XRCC4: variants seen among roughly 807,000 people sequenced by gnomAD.
The protein encoded by XRCC4 is DNA repair protein XRCC4.
XRCC4 carries 28 observed loss-of-function variants against 39.1 expected under a neutral mutation model. That is an observed-to-expected ratio of 0.72 (90% CI 0.53 to 0.98). XRCC4 has a LOEUF of 0.98. Among genes scored for constraint, XRCC4 ranks in the 50% least tolerant of loss-of-function variants. XRCC4 has a pLI of 0.00. For synonymous variants in XRCC4, 123 were observed against 126.4 expected (o/e 0.97, Z 0.18); for missense variants, 350 against 376.4 (o/e 0.93, Z 0.58).
chr5:83,119,299 G>A (rs926079926), intron 3 of XRCC4, among the ~76,000 whole-genome samples: 2 of 152,166 alleles, frequency 1.3e-5, no homozygotes, highest in Non-Finnish European at 2.9e-5. Flanking sequence ...GGTTGCAGAT[G>A]TGTTGTTTGA....
At chr5:83,132,851 T>C (rs887996895) in intron 3 of XRCC4, among the ~76,000 whole-genome samples, 1 of 152,170 alleles carries the variant, frequency 6.6e-6, no homozygotes, top group African/African-American at 2.4e-5. Flanking sequence ...TCGGAGAAGT[T>C]TGTTATGACC....
rs1275915658 is a variant in XRCC4 at position 83,195,894 on chromosome 5, A to T, written c.440A>T (p.Glu147Val). The change falls in exon 4 of 8, where the codon GAA (glutamate) becomes GTA (valine). Residue 147 changes from glutamate to valine, a missense_variant. Glu to Val is a moderately radical substitution (Grantham distance 121). Coordinates refer to ENST00000396027, the MANE Select transcript of XRCC4 (RefSeq NM_003401.5). ...NQAKNEHLQKENERLLRDWND... is the reference protein window; with the variant it reads ...NQAKNEHLQKVNERLLRDWND... ...GCCAAAAATGAGCACCTGCAGAAAG[A>T]AAATGAAAGGCTTCTGAGAGATTGG... 2 of 1,612,168 alleles carry T rather than the reference A, an allele frequency of 1.2e-6. No individual in the cohort carries two copies. Among genetic ancestry groups the T allele is most frequent in the Non-Finnish European group, 1.7e-6 (2 of 1,178,908 alleles).
chr5:83,309,296 A>AAAAAAAATATATATATATAT (rs1561467702), intron 7 of XRCC4, among the ~76,000 whole-genome samples: 1 of 72,230 alleles, frequency 1.4e-5, no homozygotes, highest in African/African-American at 8.5e-5. Flanking sequence ...AAAAAAAAAA[A>AAAAAAAATATATATATATAT]ATATATATAT....
intron 3 of XRCC4, among the ~76,000 whole-genome samples, chr5:83,183,410 ATTTGTG>A (rs1315020381): frequency 3.7e-5 from 3 of 82,038 alleles, no homozygotes; most frequent in African/African-American, 1.3e-4. Context: ...TTTTTCATTT[ATTTGTG>A]TGTGTGTGTG....
chr5:83,331,558 T>C (rs1025381632), intron 7 of XRCC4, among the ~76,000 whole-genome samples: 8 of 152,092 alleles, frequency 5.3e-5, no homozygotes, highest in African/African-American at 1.9e-4. Flanking sequence ...AAAGAGAAAA[T>C]CTATGTATAT....
chr5:83,198,990 G>C (rs1173853236), intron 4 of XRCC4, among the ~76,000 whole-genome samples: 1 of 152,026 alleles, frequency 6.6e-6, no homozygotes, highest in African/African-American at 2.4e-5. Context: ...TGTTTTGTTT[G>C]CACTCAGACC....
At chr5:83,248,113 A>T (rs181324862) in intron 6 of XRCC4, among the ~76,000 whole-genome samples, 45 of 152,242 alleles carry the variant, frequency 3.0e-4, no homozygotes, top group Admixed American at 9.2e-4. Flanking sequence ...GAGCAACTCA[A>T]GAGTTGAGCA....
chr5:83,261,876 A>G lies in XRCC4; in HGVS notation c.893+3199A>G, dbSNP rs538741974. On this transcript the variant is annotated intron_variant, in intron 7 of 7. Transcript: ENST00000396027. Reference sequence around the variant, plus strand: ...TGAAATATCCATGAGAAAAGTATTCATTTTTTAAATTTAACTGTTTATAGG... The same window carrying G: ...TGAAATATCCATGAGAAAAGTATTCGTTTTTTAAATTTAACTGTTTATAGG... Among the ~76,000 whole-genome samples, 125 of 152,220 alleles carry G rather than the reference A, an allele frequency of 8.2e-4. 1 individual carries two copies. The highest frequency in any genetic ancestry group is 2.9e-3 in the African/African-American group (119 of 41,562).
intron 4 of XRCC4, among the ~76,000 whole-genome samples, chr5:83,196,353 G>C (rs1359604579): frequency 6.6e-6 from 1 of 151,980 alleles, no homozygotes; most frequent in Non-Finnish European, 1.5e-5. Context: ...AAATTACAGT[G>C]TTTTGGCTCC....
chr5:83,275,687 T>G (rs1754306424), intron 7 of XRCC4, among the ~76,000 whole-genome samples: 1 of 152,196 alleles, frequency 6.6e-6, no homozygotes, highest in Non-Finnish European at 1.5e-5. Flanking sequence ...GGTATGGAGA[T>G]AAAGATTGGA....
chr5:83,248,836 C>T (rs541696127), intron 6 of XRCC4, among the ~76,000 whole-genome samples: 2 of 151,996 alleles, frequency 1.3e-5, no homozygotes, highest in South Asian at 4.1e-4. Flanking sequence ...AAAATAAAAA[C>T]CTTACGAGAT....
chr5:83,224,183 G>T (rs1752202471), intron 6 of XRCC4, among the ~76,000 whole-genome samples: 2 of 151,452 alleles, frequency 1.3e-5, no homozygotes, highest in South Asian at 4.2e-4. Context: ...ATTTTCTAGT[G>T]TTTTTTTTGT....
At chr5:83,222,033 T>A (rs1252977723) in intron 6 of XRCC4, among the ~76,000 whole-genome samples, 4 of 151,748 alleles carry the variant, frequency 2.6e-5, no homozygotes, top group African/African-American at 9.7e-5. Context: ...TATCTTTTAA[T>A]TTTTTTTACC....
intron 7 of XRCC4, among the ~76,000 whole-genome samples, chr5:83,308,407 CATATT>C (rs1755564549): frequency 6.6e-6 from 1 of 152,056 alleles, no homozygotes; most frequent in African/African-American, 2.4e-5. Flanking sequence ...AAGTTAATAA[CATATT>C]ATAAAATTGG....
At chr5:83,341,737 C>T (rs1026092274) in intron 7 of XRCC4, among the ~76,000 whole-genome samples, 7 of 152,106 alleles carry the variant, frequency 4.6e-5, no homozygotes, top group African/African-American at 9.7e-5. Context: ...GCTCCATTAC[C>T]GACTTGACTG....
At chr5:83,179,607 T>C (rs1253429463) in intron 3 of XRCC4, among the ~76,000 whole-genome samples, 1 of 152,190 alleles carries the variant, frequency 6.6e-6, no homozygotes, top group African/African-American at 2.4e-5. Flanking sequence ...AAAAAATGTC[T>C]TCTATGCCCC....
intron 7 of XRCC4, among the ~76,000 whole-genome samples, chr5:83,304,054 T>G (rs1054133561): frequency 2.0e-5 from 3 of 152,148 alleles, no homozygotes; most frequent in Non-Finnish European, 4.4e-5. Context: ...AGTAAATTTT[T>G]TAATAATCTA....
chr5:83,356,348 T>C (rs1035699939), downstream of XRCC4, among the ~76,000 whole-genome samples: 7 of 152,092 alleles, frequency 4.6e-5, no homozygotes, highest in African/African-American at 1.7e-4. Flanking sequence ...TCTATATATA[T>C]AGATATAGTG....
chr5:83,342,210 A>G (rs1756782807), intron 7 of XRCC4, among the ~76,000 whole-genome samples: 1 of 152,214 alleles, frequency 6.6e-6, no homozygotes, highest in African/African-American at 2.4e-5. Context: ...AAGTACAGCT[A>G]GAGTAACAAA....
Sources: allele counts gnomAD v4.1 joint callset (sites outside exome capture counted in the v4.1 genomes callset), GRCh38; gene constraint gnomAD v4.1.1; transcripts MANE v1.5; gene names NCBI Gene and HGNC (gene_info 2026-07-23, HGNC 2026-07-21).